Variants in PIGN observed in about 807,000 individuals in gnomAD.
PIGN encodes the protein GPI ethanolamine phosphate transferase 1.
PIGN carries 117 observed loss-of-function variants against 125.4 expected under a neutral mutation model. The ratio of observed to expected loss-of-function variants is 0.93; its 90% CI spans 0.80 to 1.09. The LOEUF is 1.09. PIGN is among the 50% of genes least tolerant of loss of function. The probability of loss-of-function intolerance (pLI) is 0.00; values close to 1 mark genes in which losing one functional copy is unlikely to be tolerated. For synonymous variants in PIGN, 392 were observed against 377.8 expected (o/e 1.04, Z -0.44); for missense variants, 1,075 against 1,094.9 (o/e 0.98, Z 0.26).
At chr18:62,032,496 T>C (rs372586421) in intron 23 of PIGN, among the ~76,000 whole-genome samples, 6 of 152,210 alleles carry the variant, frequency 3.9e-5, no homozygotes, top group South Asian at 4.1e-4. Flanking sequence ...GAGCATGTTT[T>C]CCTAAGTATA....
At chr18:62,095,672 CAGA>C (rs1442783368) in intron 23 of PIGN, among the ~76,000 whole-genome samples, 173 bp downstream of exon 23, 1 of 151,904 alleles carries the variant, frequency 6.6e-6, no homozygotes, top group Non-Finnish European at 1.5e-5. Context: ...AAACAGAAAA[CAGA>C]AGATTACAGA....
rs1248841293 is a variant in PIGN at position 62,167,618 on chromosome 18, T to A, written c.-235-3962A>T. Among the ~76,000 whole-genome samples the A allele has an allele frequency of 2.3e-5, 3 of 130,004 alleles. No individual in the cohort carries two copies. The Admixed American group carries it at 2.6e-4, about 11-fold the overall frequency. 85.3% of individuals were successfully genotyped at this position (130,004 alleles called of 152,430 possible). On this transcript the variant is annotated intron_variant, in intron 1 of 30. Coordinates refer to ENST00000640252, the MANE Select transcript of PIGN (RefSeq NM_176787.5). ...CTGCACTCCAGCCTGAGCAACAGAG[T>A]GAAACTCCGTCTCAAAAAAAAAAAA... is the stretch of plus-strand genomic sequence containing the variant.
chr18:62,154,622 T>G lies in PIGN; in HGVS notation c.472A>C (p.Ser158Arg). 1 of 1,571,754 alleles carries G rather than the reference T, an allele frequency of 6.4e-7. No individual in the cohort carries two copies. Among genetic ancestry groups the G allele is most frequent in the Non-Finnish European group, 8.7e-7 (1 of 1,143,334 alleles). ...GASGDHVYTY[S>R]YDAKREDFGA... ...AAATCCTCTCTTTTAGCATCATAAC[T>G]ATATGTATAAACGTGGTCTCCACTA... The change falls in exon 7 of 31, where the codon AGT (serine) becomes CGT (arginine). Residue 158 changes from serine (S) to arginine (R), a missense_variant. This residue lies in a region of PIGN where 915 missense variants were observed against 908.7 expected (regional missense o/e 1.01). Transcript: ENST00000640252.
chr18:62,049,474 T>A (rs1453903906), intron 30 of PIGN, among the ~76,000 whole-genome samples: 1 of 151,936 alleles, frequency 6.6e-6, no homozygotes, highest in African/African-American at 2.4e-5. Context: ...CATTTTTTCA[T>A]GTGTTTTTTG....
chr18:62,038,673 C>T (rs989903061), downstream of PIGN, among the ~76,000 whole-genome samples: 2 of 152,134 alleles, frequency 1.3e-5, no homozygotes, highest in African/African-American at 4.8e-5. Flanking sequence ...TGGCTCGTGC[C>T]TCTGATCCCA....
chr18:62,122,957 T>C (rs2035364597), intron 14 of PIGN, among the ~76,000 whole-genome samples: 2 of 152,148 alleles, frequency 1.3e-5, no homozygotes, highest in African/African-American at 4.8e-5. Context: ...AAGCCAGCAA[T>C]GGAATGTAAA....
At chr18:62,172,710 A>T (rs17069516) in intron 1 of PIGN, among the ~76,000 whole-genome samples, 6,912 of 152,288 alleles carry the variant, frequency 0.045, 187 homozygotes, top group Middle Eastern at 0.071. Context: ...TGCTAAGTTA[A>T]GTATCAAAGT....
chr18:62,138,322 T>C, intron 13 of PIGN, 24 bp from the exon 14 acceptor site: 1 of 1,519,132 alleles, frequency 6.6e-7, no homozygotes, highest in Non-Finnish European at 8.8e-7. Context: ...ATGAAAATAT[T>C]ACAAATGAGA....
downstream of PIGN, among the ~76,000 whole-genome samples, chr18:62,038,794 C>A (rs917613212): frequency 2.0e-5 from 3 of 151,916 alleles, no homozygotes; most frequent in Admixed American, 6.6e-5. Context: ...AAAATTAGCC[C>A]GTGGTTCCAG....
chr18:62,138,574 G>A (rs868398521), intron 13 of PIGN, among the ~76,000 whole-genome samples: 6 of 151,938 alleles, frequency 3.9e-5, no homozygotes, highest in African/African-American at 1.5e-4. Context: ...AAGCCAAACC[G>A]CTTATTCTTA....
chr18:62,166,141 A>G (rs1260811597), intron 1 of PIGN, among the ~76,000 whole-genome samples: 3 of 152,226 alleles, frequency 2.0e-5, no homozygotes, highest in Admixed American at 2.0e-4. Flanking sequence ...TGGAGAGCAC[A>G]AGTGGAGGAG....
At chr18:62,141,665 C>G (rs904550058) in intron 11 of PIGN, among the ~76,000 whole-genome samples, 1 of 152,210 alleles carries the variant, frequency 6.6e-6, no homozygotes, top group African/African-American at 2.4e-5. Context: ...CACCTCTAAT[C>G]TCTTCTCCAT....
At chr18:62,098,746 T>TAG (rs879483954) in intron 22 of PIGN, among the ~76,000 whole-genome samples, 1 of 152,162 alleles carries the variant, frequency 6.6e-6, no homozygotes, top group Non-Finnish European at 1.5e-5. Flanking sequence ...ATTTTGTAGG[T>TAG]ATCCTCTAGA....
intron 30 of PIGN, among the ~76,000 whole-genome samples, chr18:62,047,268 T>C (rs947408766): frequency 1.3e-5 from 2 of 152,186 alleles, no homozygotes; most frequent in African/African-American, 4.8e-5. Context: ...TCCACTGTCA[T>C]GGTGTCAGGG....
chr18:62,034,307 G>C (rs1380228180), intron 23 of PIGN, among the ~76,000 whole-genome samples: 2 of 152,164 alleles, frequency 1.3e-5, no homozygotes, highest in African/African-American at 4.8e-5. Flanking sequence ...TGAACTCCTG[G>C]ACTTAAGCAA....
chr18:62,181,893 A>G lies in PIGN; in HGVS notation c.-236+4951T>C, dbSNP rs147888452. Among the ~76,000 whole-genome samples, 11 of 151,520 alleles carry G rather than the reference A, an allele frequency of 7.3e-5. No individual in the cohort carries two copies. In the East Asian group the frequency reaches 2.1e-3, roughly 30 times the overall value. On this transcript the variant is annotated intron_variant, in intron 1 of 30. Transcript: ENST00000640252. ...AGGCACACAGCATCATGCCCAGGTA[A>G]TTTTGTATTTTTAGTAGAGACAGGG...
chr18:62,066,015 G>GCC (rs200744570), intron 30 of PIGN, among the ~76,000 whole-genome samples: 1 of 131,384 alleles, frequency 7.6e-6, no homozygotes, highest in African/African-American at 2.6e-5. Context: ...CCTAGCAAAA[G>GCC]CCCTTTTGGG....
chr18:62,171,708 T>C (rs2037350599), intron 1 of PIGN, among the ~76,000 whole-genome samples: 1 of 152,198 alleles, frequency 6.6e-6, no homozygotes, highest in Admixed American at 6.5e-5. Context: ...ATTATGATCA[T>C]CTGATTTTTC....
chr18:62,186,041 A>ATTTTT (rs755658401), intron 1 of PIGN, among the ~76,000 whole-genome samples: 1 of 102,232 alleles, frequency 9.8e-6, no homozygotes, highest in Non-Finnish European at 1.9e-5. Context: ...AGCGGAATTG[A>ATTTTT]TTTTTTTTTT....
Sources: gnomAD v4.1 joint callset for allele counts (sites outside exome capture counted in the v4.1 genomes callset) on GRCh38, gnomAD v4.1.1 for gene constraint, gnomAD v4.1.1 regional missense constraint, MANE v1.5 for transcripts, NCBI Gene and HGNC (gene_info 2026-07-23, HGNC 2026-07-21) for gene names.